The following EPB41L4A variants were observed in gnomAD, a reference collection of about 807,000 sequenced individuals.
EPB41L4A encodes the protein band 4.1-like protein 4A.
In EPB41L4A, 100 loss-of-function variants were observed where a neutral mutation model predicts 108.6. The ratio of observed to expected loss-of-function variants is 0.92; its 90% CI spans 0.78 to 1.09. The LOEUF is 1.09. Among genes scored for constraint, EPB41L4A ranks in the 50% least tolerant of loss-of-function variants. The pLI, the probability that EPB41L4A is intolerant of heterozygous loss-of-function variation, is 0.00. For synonymous variants in EPB41L4A, 319 were observed against 289.0 expected (o/e 1.10, Z -1.05); for missense variants, 1,030 against 842.7 (o/e 1.22, Z -2.75).
chr5:112,343,563 G>A (rs775479620), intron 1 of EPB41L4A, among the ~76,000 whole-genome samples: 12 of 151,798 alleles, frequency 7.9e-5, no homozygotes, highest in African/African-American at 1.9e-4. Context: ...CCACGACCAC[G>A]TTCACCACCA....
At chr5:112,264,420 C>T (rs982546070) in intron 6 of EPB41L4A, 1 of 152,622 alleles carries the variant, frequency 6.6e-6, no homozygotes, top group Non-Finnish European at 1.5e-5. Flanking sequence ...AACTGGGATA[C>T]TTCAGACAGA....
At chr5:112,188,872 T>C (rs1350370634) in intron 17 of EPB41L4A, among the ~76,000 whole-genome samples, 1 of 152,196 alleles carries the variant, frequency 6.6e-6, no homozygotes, top group African/African-American at 2.4e-5. Flanking sequence ...AAGTTCTTCT[T>C]TACCACTCCC....
chr5:112,419,185 C>T lies in EPB41L4A; in HGVS notation c.-146G>A. On this transcript the variant is annotated 5_prime_UTR_variant, in exon 1 of 23. Transcript: ENST00000261486. ...GCTCCCGGCGGGGTCCGGGGACCGG[C>T]CGCCGAACCGCCCGGCGGGGCGGGA... 1 of 557,898 alleles carries T rather than the reference C, an allele frequency of 1.8e-6. No homozygotes were observed. The highest frequency in any genetic ancestry group is 3.1e-6 in the Non-Finnish European group (1 of 318,070). 34.6% of individuals were successfully genotyped at this position (557,898 alleles called of 1,614,324 possible). A position where few individuals can be genotyped will look rare whatever the true frequency, so the allele number is the denominator to read the frequency against.
At chr5:112,209,800 T>C (rs1164052950) in intron 13 of EPB41L4A, 92 bp downstream of exon 13, 4 of 710,716 alleles carry the variant, frequency 5.6e-6, no homozygotes, top group East Asian at 5.6e-5. Flanking sequence ...TCATTAATCA[T>C]CAAAGTTAAA....
chr5:112,367,479 G>A (rs1759204150), intron 1 of EPB41L4A, among the ~76,000 whole-genome samples: 1 of 152,092 alleles, frequency 6.6e-6, no homozygotes, highest in Non-Finnish European at 1.5e-5. Flanking sequence ...AATCATCCCT[G>A]TGGAGGCCTC....
At chr5:112,275,463 T>A (rs1443592137) in intron 3 of EPB41L4A, 59 bp from the exon 4 acceptor site, 2 of 1,450,738 alleles carry the variant, frequency 1.4e-6, no homozygotes, top group East Asian at 5.2e-5. Context: ...AAAGTTACAG[T>A]ATAATATTAT....
chr5:112,339,727 G>A (rs1258341364), intron 1 of EPB41L4A, among the ~76,000 whole-genome samples: 3 of 151,588 alleles, frequency 2.0e-5, no homozygotes, highest in African/African-American at 2.4e-5. Context: ...GTAGAGAGGC[G>A]GTTTCACCAT....
At chr5:112,197,144 G>A (rs1476373909) in intron 15 of EPB41L4A, 1 of 152,132 alleles carries the variant, frequency 6.6e-6, no homozygotes, top group Non-Finnish European at 1.5e-5. Context: ...CCGTCTAGCA[G>A]ACTCTTTTTA....
rs1760084133 is a variant in EPB41L4A, at chr5:112,164,126, C to T, written c.*864G>A. The T allele has an allele frequency of 1.3e-5, 2 of 152,140 alleles. No individual in the cohort carries two copies. Among genetic ancestry groups the T allele is most frequent in the African/African-American group, 4.8e-5 (2 of 41,422 alleles). The allele number at this position is 152,140 out of a possible 1,614,324, so 9.4% of individuals were successfully genotyped here. A position where few individuals can be genotyped will look rare whatever the true frequency, so the allele number is the denominator to read the frequency against. On this transcript the variant is annotated 3_prime_UTR_variant, in exon 23 of 23. Transcript: ENST00000261486. ...TTTGGGGTGACAGATCAACTGAGAT[C>T]CACTTACACTTCTGAAAACGCAAGA... is the stretch of plus-strand genomic sequence containing the variant.
At chr5:112,207,952 A>C (rs1305445549) in intron 13 of EPB41L4A, among the ~76,000 whole-genome samples, 1 of 152,136 alleles carries the variant, frequency 6.6e-6, no homozygotes, top group African/African-American at 2.4e-5. Flanking sequence ...ATCATTCTAC[A>C]AAAAAAGACA....
intron 1 of EPB41L4A, among the ~76,000 whole-genome samples, chr5:112,376,771 G>A (rs956670231): frequency 6.6e-6 from 1 of 152,126 alleles, no homozygotes; most frequent in African/African-American, 2.4e-5. Flanking sequence ...GTGGAACTAT[G>A]ATAAGTTAAA....
chr5:112,203,104 T>C (rs1229053462), intron 15 of EPB41L4A, among the ~76,000 whole-genome samples: 1 of 152,120 alleles, frequency 6.6e-6, no homozygotes, highest in African/African-American at 2.4e-5. Context: ...CGGTGACTCA[T>C]GCCTGTAATC....
chr5:112,215,406 T>C (rs756261155), intron 12 of EPB41L4A, among the ~76,000 whole-genome samples: 5 of 152,324 alleles, frequency 3.3e-5, no homozygotes, highest in Non-Finnish European at 7.4e-5. Context: ...ATAATAACTC[T>C]AGTGAGGCCA....
intron 1 of EPB41L4A, among the ~76,000 whole-genome samples, chr5:112,328,617 C>A (rs1264510841): frequency 6.6e-6 from 1 of 152,190 alleles, no homozygotes; most frequent in African/African-American, 2.4e-5. Context: ...ATCAAGCTCA[C>A]TGATTTAAAA....
chr5:112,267,599 C>T (rs1332004757), intron 4 of EPB41L4A, among the ~76,000 whole-genome samples: 6 of 152,140 alleles, frequency 3.9e-5, no homozygotes, highest in African/African-American at 1.4e-4. Flanking sequence ...CATTCAATCA[C>T]CAAATATGCT....
intron 12 of EPB41L4A, chr5:112,228,866 G>T (rs1170957980): frequency 3.0e-6 from 1 of 337,160 alleles, no homozygotes; most frequent in Non-Finnish European, 4.2e-6. Flanking sequence ...TCTGGGTGGG[G>T]AAGCAGGCAG....
intron 1 of EPB41L4A, among the ~76,000 whole-genome samples, chr5:112,400,753 T>C (rs924963279): frequency 6.6e-6 from 1 of 152,134 alleles, no homozygotes; most frequent in African/African-American, 2.4e-5. Context: ...AATTTTGTTG[T>C]TCTAATTTAA....
chr5:112,192,743 C>T (rs1284109052), intron 17 of EPB41L4A, among the ~76,000 whole-genome samples: 5 of 152,096 alleles, frequency 3.3e-5, no homozygotes, highest in African/African-American at 9.7e-5. Context: ...TTTTCAGTAG[C>T]GAATGGTACT....
rs184559182 is a variant in EPB41L4A, at chr5:112,327,223, G to T, written c.100-19733C>A. On this transcript the variant is annotated intron_variant, in intron 1 of 22. Transcript: ENST00000261486. ...AATAATGAACAACATTTCTCACTAGGATGATTAGAAAAGGCTTTGTTAAAA... is the reference window on the plus strand; with the variant it reads ...AATAATGAACAACATTTCTCACTAGTATGATTAGAAAAGGCTTTGTTAAAA... Among the ~76,000 whole-genome samples the T allele has an allele frequency of 1.4e-3, 208 of 152,204 alleles. 3 individuals are homozygous for T. The highest frequency in any genetic ancestry group is 4.8e-3 in the African/African-American group (200 of 41,520).
Sources: allele counts gnomAD v4.1 joint callset (sites outside exome capture counted in the v4.1 genomes callset), GRCh38; gene constraint gnomAD v4.1.1; transcripts MANE v1.5; gene names NCBI Gene and HGNC (gene_info 2026-07-23, HGNC 2026-07-21).